CLEC16A: variants seen among roughly 807,000 people sequenced by gnomAD.
CLEC16A encodes the protein protein CLEC16A.
A neutral mutation model predicts 109.5 loss-of-function variants in CLEC16A; 51 were observed. The ratio of observed to expected loss-of-function variants is 0.47; its 90% confidence interval spans 0.37 to 0.59. The LOEUF is 0.59. Among genes scored for constraint, CLEC16A ranks in the 20% least tolerant of loss-of-function variants. CLEC16A has a pLI of 0.00. For missense variants in CLEC16A, 1,339 were observed against 1,394.0 expected, an observed-to-expected ratio of 0.96 and a Z score of 0.63; for synonymous variants, 673 against 564.2, an observed-to-expected ratio of 1.19 and a Z score of -2.73.
At chr16:11,160,855 G>T (rs41369) in intron 22 of CLEC16A, among the ~76,000 whole-genome samples, 100,189 of 152,040 alleles carry the variant, frequency 0.66, 34,035 homozygotes, top group African/African-American at 0.81. Context: ...GCAGCTGCTG[G>T]AGTTCCAGCC....
At chr16:10,967,060 G>A (rs187977150) in intron 3 of CLEC16A, among the ~76,000 whole-genome samples, 1 of 152,246 alleles carries the variant, frequency 6.6e-6, no homozygotes, top group Admixed American at 6.5e-5. Context: ...GTAGTGTTAT[G>A]AGCAGGCGAT....
intron 19 of CLEC16A, among the ~76,000 whole-genome samples, chr16:11,073,670 T>G (rs2049192189): frequency 6.6e-6 from 1 of 152,194 alleles, no homozygotes; most frequent in Non-Finnish European, 1.5e-5. Context: ...ACAGCCTGCC[T>G]GCCCTTGTCG....
At chr16:11,123,719 T>G (rs1486132436) in intron 20 of CLEC16A, 23 bp from the exon 21 acceptor site, 6 of 1,613,250 alleles carry the variant, frequency 3.7e-6, no homozygotes, top group Middle Eastern at 1.7e-4. Context: ...CGAATGCCTT[T>G]TCCTTTGCTT....
intron 10 of CLEC16A, among the ~76,000 whole-genome samples, chr16:10,984,003 A>C (rs965752497): frequency 2.0e-5 from 3 of 151,598 alleles, no homozygotes; most frequent in Non-Finnish European, 4.4e-5. Context: ...TAAGGAGCTT[A>C]GAGTGGGTAA....
chr16:11,154,521 T>C (rs979615883), intron 22 of CLEC16A, among the ~76,000 whole-genome samples: 1 of 152,256 alleles, frequency 6.6e-6, no homozygotes, highest in Non-Finnish European at 1.5e-5. Context: ...AAATCTTCAG[T>C]CATAACAGCT....
At chr16:11,173,769 A>G (rs559272254) in intron 23 of CLEC16A, among the ~76,000 whole-genome samples, 8 of 152,196 alleles carry the variant, frequency 5.3e-5, no homozygotes, top group Non-Finnish European at 1.0e-4. Context: ...CTCCTGGGCC[A>G]TGTCTAAAAC....
chr16:11,002,776 G>A (rs749525817), intron 10 of CLEC16A, among the ~76,000 whole-genome samples: 15 of 152,090 alleles, frequency 9.9e-5, no homozygotes, highest in Non-Finnish European at 1.0e-4. Context: ...TAAGATAATC[G>A]TCCCCATGTT....
At chr16:10,977,525 T>C in intron 8 of CLEC16A, 126 bp downstream of exon 8, 1 of 925,532 alleles carries the variant, frequency 1.1e-6, no homozygotes, top group Non-Finnish European at 1.6e-6. Flanking sequence ...TGTTTGTTTG[T>C]TTTTAAAAGA....
intron 11 of CLEC16A, among the ~76,000 whole-genome samples, chr16:11,013,495 T>C (rs1189838321): frequency 6.6e-6 from 1 of 152,134 alleles, no homozygotes; most frequent in Non-Finnish European, 1.5e-5. Context: ...CCAGGTGTGC[T>C]GGCTCACACC....
chr16:11,131,437 CCTCA>C (rs149705222), intron 22 of CLEC16A, among the ~76,000 whole-genome samples: 4,660 of 152,320 alleles, frequency 0.031, 111 homozygotes, highest in African/African-American at 0.059. Flanking sequence ...CAGCCTTGCT[CCTCA>C]CTCTGGGCTC....
chr16:11,026,206 T>C (rs2046396039), intron 13 of CLEC16A, among the ~76,000 whole-genome samples: 1 of 152,254 alleles, frequency 6.6e-6, no homozygotes, highest in Non-Finnish European at 1.5e-5. Context: ...AGAAATATTA[T>C]CTTCTCCTTG....
At position 11,052,735 on chromosome 16, in the gene CLEC16A, C is replaced by G. The variant is rs918650039; in HGVS notation, c.1995+1094C>G. 2.0e-5 allele frequency among the ~76,000 whole-genome samples: 3 copies of G among 152,164 alleles called. No individual in the cohort carries two copies. In the East Asian group the frequency reaches 5.8e-4, roughly 29 times the overall value. ...GGTTCTGACAGATGTGTATGTGTTG[C>G]TTCATGATGCTGACGTGCTCACCCC... On this transcript the variant is annotated intron_variant, in intron 18 of 23. Coordinates refer to ENST00000409790, the MANE Select transcript of CLEC16A (RefSeq NM_015226.3).
chr16:11,072,144 C>T (rs932209924), intron 19 of CLEC16A, among the ~76,000 whole-genome samples: 2 of 152,080 alleles, frequency 1.3e-5, no homozygotes, highest in African/African-American at 2.4e-5. Context: ...CTTTTTGAGA[C>T]GGGATCTCGT....
chr16:11,045,850 C>G (rs182247364), intron 16 of CLEC16A, among the ~76,000 whole-genome samples: 71 of 152,290 alleles, frequency 4.7e-4, no homozygotes, highest in African/African-American at 1.7e-3. Context: ...TTTTAAGCGA[C>G]TGCATTATTG....
chr16:11,078,225 A>T (rs2049500521), intron 19 of CLEC16A, among the ~76,000 whole-genome samples: 1 of 152,024 alleles, frequency 6.6e-6, no homozygotes, highest in South Asian at 2.1e-4. Context: ...GCCCAGCAGG[A>T]CTTTGAAAAC....
intron 19 of CLEC16A, among the ~76,000 whole-genome samples, chr16:11,086,293 A>G (rs967834703): frequency 5.9e-5 from 9 of 152,176 alleles, no homozygotes; most frequent in African/African-American, 2.2e-4. Context: ...ACCTGGCTCA[A>G]GATCCCCACT....
At chr16:11,176,636 GC>G (rs2068757787) in intron 23 of CLEC16A, among the ~76,000 whole-genome samples, 1 of 152,178 alleles carries the variant, frequency 6.6e-6, no homozygotes, top group Non-Finnish European at 1.5e-5. Flanking sequence ...TACTCAGGAG[GC>G]CGAAGCAGGA....
At chr16:10,946,304 G>C (rs2041367172) in intron 1 of CLEC16A, among the ~76,000 whole-genome samples, 1 of 152,214 alleles carries the variant, frequency 6.6e-6, no homozygotes, top group African/African-American at 2.4e-5. Context: ...TGTGTCCCCG[G>C]GAGTGGGGTA....
At chr16:10,957,265 A>C (rs763179115) in intron 1 of CLEC16A, among the ~76,000 whole-genome samples, 2 of 152,230 alleles carry the variant, frequency 1.3e-5, no homozygotes, top group Non-Finnish European at 2.9e-5. Context: ...TTGTCCCAGC[A>C]ACTGCTGTGG....
Sources: allele counts gnomAD v4.1 joint callset (sites outside exome capture counted in the v4.1 genomes callset), GRCh38; gene constraint gnomAD v4.1.1; transcripts MANE v1.5; gene names NCBI Gene and HGNC (gene_info 2026-07-23, HGNC 2026-07-21).